RBM6: variants seen among roughly 807,000 people sequenced by gnomAD.
The protein encoded by RBM6 is RNA binding motif protein 6.
RBM6 carries 23 observed loss-of-function variants against 140.4 expected under a neutral mutation model. That is an observed-to-expected ratio of 0.16 (90% CI 0.12 to 0.23). The LOEUF is 0.23. Among genes scored for constraint, RBM6 ranks in the 10% least tolerant of loss-of-function variants. The pLI is 1.00. For missense variants in RBM6, 1,139 were observed against 1,386.7 expected, an observed-to-expected ratio of 0.82 and a Z score of 2.84; for synonymous variants, 439 against 475.6, an observed-to-expected ratio of 0.92 and a Z score of 1.00.
chr3:50,017,432 C>T (rs545842203), intron 6 of RBM6, among the ~76,000 whole-genome samples: 23 of 151,952 alleles, frequency 1.5e-4, no homozygotes, highest in African/African-American at 5.5e-4. Context: ...GTGGTGGGCG[C>T]CTGAAGTCCC....
At chr3:49,970,612 C>T (rs145028976) in intron 3 of RBM6, among the ~76,000 whole-genome samples, 2 of 152,274 alleles carry the variant, frequency 1.3e-5, no homozygotes, top group Non-Finnish European at 2.9e-5. Context: ...TTGCAGCTAA[C>T]GTAATTAACT....
chr3:50,038,215 G>A (rs979439536), intron 6 of RBM6, among the ~76,000 whole-genome samples: 3 of 152,156 alleles, frequency 2.0e-5, no homozygotes, highest in African/African-American at 7.2e-5. Context: ...GATGGGCTCA[G>A]CAGTGAGGCC....
chr3:50,021,740 C>CTTTTTTTGTTTTTTTTTTT (rs2087493341), intron 6 of RBM6, among the ~76,000 whole-genome samples: 1 of 42,732 alleles, frequency 2.3e-5, no homozygotes, highest in Non-Finnish European at 4.1e-5. Context: ...AATTTAAGTG[C>CTTTTTTTGTTTTTTTTTTT]TTTTTTTTTT....
chr3:50,067,095 G>C (rs2090147066), intron 17 of RBM6, among the ~76,000 whole-genome samples: 1 of 146,748 alleles, frequency 6.8e-6, no homozygotes, highest in Non-Finnish European at 1.5e-5. Context: ...GTTGAGGCAG[G>C]AGAATCGCTT....
Position 49,968,021 on chromosome 3 carries a change from A to T in RBM6, c.596A>T (p.Asp199Val), listed in dbSNP as rs1324112694. The stretch of plus-strand genomic sequence containing the variant: ...TCCCATGCAGATTTTAGGGGAAGGG[A>T]TTTATCAGATTTGGATTTTAGGGCC... ...DGSHADFRGR[D>V]LSDLDFRARE... The change falls in exon 3 of 21, where the codon GAT (aspartate) becomes GTT (valine). Residue 199 changes from aspartate (D) to valine (V), a missense_variant. Transcript: ENST00000266022. 1 of 1,614,092 alleles carries T rather than the reference A, an allele frequency of 6.2e-7. No individual in the cohort carries two copies. The highest frequency in any genetic ancestry group is 8.5e-7 in the Non-Finnish European group (1 of 1,180,006).
intron 6 of RBM6, among the ~76,000 whole-genome samples, chr3:50,015,314 G>A (rs963121902): frequency 1.3e-5 from 2 of 150,238 alleles, no homozygotes; most frequent in African/African-American, 4.9e-5. Context: ...CACCATATTG[G>A]CCAGGCTGGT....
At chr3:50,051,287 C>A (rs1264127083) in intron 7 of RBM6, among the ~76,000 whole-genome samples, 3 of 152,158 alleles carry the variant, frequency 2.0e-5, no homozygotes, top group Non-Finnish European at 2.9e-5. Context: ...CATCAGTGAG[C>A]TATGATAGTG....
chr3:49,984,601 A>ATCGCATCGCATCGCATCGCATCGCATCG (rs1559552631), intron 5 of RBM6, among the ~76,000 whole-genome samples: 4 of 91,636 alleles, frequency 4.4e-5, no homozygotes, highest in African/African-American at 1.7e-4. Flanking sequence ...ACATCACATC[A>ATCGCATCGCATCGCATCGCATCGCATCG]CATCACATCA....
chr3:50,055,426 A>C (rs914879788), intron 8 of RBM6, among the ~76,000 whole-genome samples: 2 of 152,190 alleles, frequency 1.3e-5, no homozygotes, highest in Non-Finnish European at 2.9e-5. Context: ...TGAGAAAAAA[A>C]AAATTGCAGT....
chr3:50,047,942 C>T (rs142938515), intron 6 of RBM6, among the ~76,000 whole-genome samples: 10 of 152,280 alleles, frequency 6.6e-5, no homozygotes, highest in Non-Finnish European at 1.2e-4. Context: ...CAAGAGAGTG[C>T]ATTACCTGAC....
chr3:49,975,037 C>G (rs61491513), intron 4 of RBM6, among the ~76,000 whole-genome samples: 11,875 of 150,808 alleles, frequency 0.079, 519 homozygotes, highest in African/African-American at 0.1. Context: ...TAGGGTCTCA[C>G]TATGTTGCCC....
chr3:50,049,471 T>G (rs535164828), intron 7 of RBM6, among the ~76,000 whole-genome samples: 13 of 152,314 alleles, frequency 8.5e-5, no homozygotes, highest in African/African-American at 1.4e-4. Context: ...TTTGTTTTCA[T>G]TGCTACTACT....
chr3:49,970,097 A>T (rs1382233227), intron 3 of RBM6, among the ~76,000 whole-genome samples: 1 of 151,848 alleles, frequency 6.6e-6, no homozygotes, highest in Non-Finnish European at 1.5e-5. Flanking sequence ...TGCACCACCA[A>T]ATCTGACTAA....
intron 5 of RBM6, among the ~76,000 whole-genome samples, chr3:49,981,958 A>G (rs536901811): frequency 6.6e-6 from 1 of 152,366 alleles, no homozygotes; most frequent in East Asian, 1.9e-4. Flanking sequence ...AGGCTCAAAC[A>G]TAGAAAGTAA....
intron 6 of RBM6, among the ~76,000 whole-genome samples, chr3:50,036,686 T>G (rs140337790): frequency 1.3e-5 from 2 of 152,336 alleles, no homozygotes; most frequent in African/African-American, 4.8e-5. Flanking sequence ...TGATAATTCT[T>G]TGTGTTATTT....
At chr3:50,002,982 G>A (rs996117643) in intron 6 of RBM6, among the ~76,000 whole-genome samples, 4 of 152,116 alleles carry the variant, frequency 2.6e-5, no homozygotes, top group East Asian at 1.9e-4. Context: ...CAGGTGTGGT[G>A]GCGCACGCCT....
At chr3:49,961,742 T>G (rs1337245112) in intron 1 of RBM6, among the ~76,000 whole-genome samples, 1 of 150,458 alleles carries the variant, frequency 6.6e-6, no homozygotes, top group African/African-American at 2.5e-5. Context: ...GAGGTTGTGG[T>G]GGGCTGAGAT....
intron 6 of RBM6, among the ~76,000 whole-genome samples, chr3:50,001,080 C>T (rs1294301284): frequency 6.6e-6 from 1 of 152,188 alleles, no homozygotes; most frequent in Admixed American, 6.5e-5. Context: ...ATACAGTTGA[C>T]ACTCTGTATC....
intron 19 of RBM6, among the ~76,000 whole-genome samples, chr3:50,074,037 C>T (rs2090385591): frequency 6.6e-6 from 1 of 152,130 alleles, no homozygotes; most frequent in African/African-American, 2.4e-5. Context: ...ACCTGTTGGT[C>T]AGGGTGGTCT....
Sources: allele counts gnomAD v4.1 joint callset (sites outside exome capture counted in the v4.1 genomes callset), GRCh38; gene constraint gnomAD v4.1.1; transcripts MANE v1.5; gene names NCBI Gene and HGNC (gene_info 2026-07-23, HGNC 2026-07-21).